ATCAY: variants seen among roughly 807,000 people sequenced by gnomAD.
ATCAY encodes the protein ATCAY kinesin light chain interacting caytaxin.
Under a neutral mutation model 47.7 loss-of-function variants are expected in ATCAY, and 22 were observed. The observed-to-expected ratio is 0.46, with a 90% CI of 0.33 to 0.66. The LOEUF is 0.66. ATCAY is among the 30% of genes least tolerant of loss of function. The probability of loss-of-function intolerance (pLI) is 0.02; values close to 1 mark genes in which losing one functional copy is unlikely to be tolerated. For missense variants in ATCAY, 452 were observed against 515.0 expected, an observed-to-expected ratio of 0.88 and a Z score of 1.18; for synonymous variants, 216 against 207.6, an observed-to-expected ratio of 1.04 and a Z score of -0.35.
chr19:3,887,549 C>T (rs1042602304), intron 2 of ATCAY, among the ~76,000 whole-genome samples: 42 of 151,138 alleles, frequency 2.8e-4, no homozygotes, highest in Admixed American at 1.1e-3. Flanking sequence ...TGCAGTGGCG[C>T]GATCTTGGCT....
At chr19:3,903,334 C>T (rs1033670101) in intron 3 of ATCAY, among the ~76,000 whole-genome samples, 13 of 151,958 alleles carry the variant, frequency 8.6e-5, no homozygotes, top group African/African-American at 2.9e-4. Context: ...CCCCAGATCC[C>T]GGGGATGGGA....
intron 2 of ATCAY, among the ~76,000 whole-genome samples, chr19:3,895,819 G>A (rs1458645176): frequency 6.8e-6 from 1 of 146,604 alleles, no homozygotes; most frequent in Non-Finnish European, 1.5e-5. Context: ...GGACTCAAAC[G>A]ATCCTCCTGC....
chr19:3,891,944 CA>C (rs1250693775), intron 2 of ATCAY, among the ~76,000 whole-genome samples: 1 of 152,096 alleles, frequency 6.6e-6, no homozygotes, highest in African/African-American at 2.4e-5. Flanking sequence ...GGCTGGAATG[CA>C]ATGACGTGAC....
At chr19:3,896,520 G>A (rs2038771669) in intron 2 of ATCAY, among the ~76,000 whole-genome samples, 1 of 151,036 alleles carries the variant, frequency 6.6e-6, no homozygotes, top group African/African-American at 2.4e-5. Flanking sequence ...ACCTGCCTCG[G>A]CCTCCCAAAG....
intron 2 of ATCAY, among the ~76,000 whole-genome samples, chr19:3,887,832 C>T (rs953128659): frequency 1.2e-4 from 18 of 148,304 alleles, no homozygotes; most frequent in African/African-American, 2.5e-4. Context: ...AAAGGCCGGT[C>T]GCTGTGGCTC....
chr19:3,902,504 C>CGG lies in ATCAY; in HGVS notation c.99_100dup (p.Val34GlyfsTer19). On this transcript the variant is annotated frameshift_variant, in exon 3 of 13. Transcript: ENST00000450849. LOFTEE classifies it high-confidence loss of function. ...GTCCGCAGGCCACTCCCAGAAGAGACGGGGGTGGAACTGCTTGGCAGCCCG... is the reference window on the plus strand; with the variant it reads ...GTCCGCAGGCCACTCCCAGAAGAGACGGGGGGGTGGAACTGCTTGGCAGCCCG... The CGG allele has an allele frequency of 6.3e-7, 1 of 1,580,028 alleles. No individual in the cohort carries two copies. Among genetic ancestry groups the CGG allele is most frequent in the South Asian group, 1.2e-5 (1 of 86,084 alleles).
chr19:3,898,994 G>A (rs1407889662), intron 2 of ATCAY, among the ~76,000 whole-genome samples: 1 of 151,932 alleles, frequency 6.6e-6, no homozygotes, highest in Non-Finnish European at 1.5e-5. Context: ...ATGGACTCTT[G>A]AATTGTTTCC....
chr19:3,889,656 G>C (rs546005999), intron 2 of ATCAY, among the ~76,000 whole-genome samples: 1 of 152,042 alleles, frequency 6.6e-6, no homozygotes, highest in Non-Finnish European at 1.5e-5. Context: ...AAACAAAGGC[G>C]CATAAGCTTT....
At position 3,893,240 on chromosome 19, in the gene ATCAY, C is replaced by G. The variant is rs544848657; in HGVS notation, c.77+7396C>G. ...CCAGGCTGGAGTGCAGTAGCATGAT[C>G]TCAGCTCACTGCAACCTCCGCCTCC... On this transcript the variant is annotated intron_variant, in intron 2 of 12. Transcript: ENST00000450849. Among the ~76,000 whole-genome samples, 7 of 148,884 alleles carry G rather than the reference C, an allele frequency of 4.7e-5. No individual in the cohort carries two copies. In the East Asian group the frequency reaches 1.2e-3, roughly 25 times the overall value.
intron 2 of ATCAY, chr19:3,895,019 C>G (rs1002352654): frequency 3.7e-6 from 1 of 272,948 alleles, no homozygotes; most frequent in Non-Finnish European, 7.5e-6. Context: ...AGATTTTTTT[C>G]TCTCTCTCTC....
At position 3,907,131 on chromosome 19, in the gene ATCAY, C is replaced by CAA. The variant is rs11309347; in HGVS notation, c.359-592_359-591dup. On this transcript the variant is annotated intron_variant, in intron 4 of 12. Transcript: ENST00000450849. The surrounding 1 kb of genome is among the most constrained non-coding windows in gnomAD (Gnocchi z 5.1). The stretch of plus-strand genomic sequence containing the variant: ...CCTGGGCGATGGAACAAGACTCTCT[C>CAA]AAAAAAAAAAAAGAAAGAAAAAAAA... 2.2e-5 allele frequency among the ~76,000 whole-genome samples: 3 copies of CAA among 135,618 alleles called. No individual in the cohort carries two copies. In the Admixed American group the frequency reaches 2.2e-4, roughly 10 times the overall value. The allele number at this position is 135,618 out of a possible 152,430, so 89.0% of individuals were successfully genotyped here. A position where few individuals can be genotyped will look rare whatever the true frequency, so the allele number is the denominator to read the frequency against.
At chr19:3,887,117 C>T (rs1019412851) in intron 2 of ATCAY, among the ~76,000 whole-genome samples, 1 of 151,980 alleles carries the variant, frequency 6.6e-6, no homozygotes, top group Non-Finnish European at 1.5e-5. Flanking sequence ...ATACAGTCGG[C>T]GCTTAACAAA....
intron 2 of ATCAY, among the ~76,000 whole-genome samples, chr19:3,894,005 G>A (rs1327609551): frequency 1.3e-5 from 2 of 152,092 alleles, no homozygotes; most frequent in East Asian, 3.9e-4. Context: ...CATCTGGAGT[G>A]CTCTTGCCTG....
intron 12 of ATCAY, among the ~76,000 whole-genome samples, chr19:3,922,734 GT>G (rs1054525450): frequency 6.6e-6 from 1 of 151,916 alleles, no homozygotes; most frequent in African/African-American, 2.4e-5. Context: ...TTTTTGTTTT[GT>G]TTTGTTTTTG....
At chr19:3,924,233 GTGGATGGA>G (rs113947508) in intron 12 of ATCAY, among the ~76,000 whole-genome samples, 131 of 140,796 alleles carry the variant, frequency 9.3e-4, no homozygotes, top group African/African-American at 2.6e-3. Flanking sequence ...GAGTGAGTGT[GTGGATGGA>G]TGGATGGATG....
At chr19:3,881,384 GAAA>G (rs397946296) in intron 1 of ATCAY, among the ~76,000 whole-genome samples, 2 of 130,336 alleles carry the variant, frequency 1.5e-5, no homozygotes, top group African/African-American at 2.9e-5. Flanking sequence ...ACGATTTCGG[GAAA>G]AAAAAAAAAA....
intron 3 of ATCAY, 49 bp from the exon 4 acceptor site, chr19:3,905,385 T>C: frequency 6.6e-7 from 1 of 1,508,506 alleles, no homozygotes; most frequent in South Asian, 1.3e-5. Flanking sequence ...GGGGGGAAGG[T>C]AAAAGAGAGA....
At chr19:3,917,662 T>C in intron 9 of ATCAY, 80 bp from the exon 10 acceptor site, 2 of 1,497,438 alleles carry the variant, frequency 1.3e-6, no homozygotes, top group Non-Finnish European at 1.8e-6. Context: ...TTTCTCTGCT[T>C]GAAAAGGAAA....
At chr19:3,924,153 C>T (rs1167769417) in intron 12 of ATCAY, among the ~76,000 whole-genome samples, 4 of 136,766 alleles carry the variant, frequency 2.9e-5, no homozygotes, top group South Asian at 2.4e-4. Context: ...GGTGGATGGA[C>T]GGATGAGTGA....
Sources: gnomAD v4.1 joint callset for allele counts (sites outside exome capture counted in the v4.1 genomes callset) on GRCh38, gnomAD v4.1.1 for gene constraint, Gnocchi (gnomAD v3.1) non-coding constraint, MANE v1.5 for transcripts, NCBI Gene and HGNC (gene_info 2026-07-23, HGNC 2026-07-21) for gene names.